The following SLCO3A1 variants were observed in gnomAD, a reference collection of about 807,000 sequenced individuals.
The protein encoded by SLCO3A1 is PGE1 transporter.
In SLCO3A1, 27 loss-of-function variants were observed where a neutral mutation model predicts 63.1. That is an observed-to-expected ratio of 0.43 (90% CI 0.32 to 0.59). SLCO3A1 has a LOEUF of 0.59. Ranked by LOEUF, SLCO3A1 falls within the 20% of genes least tolerant of loss-of-function variation. The pLI is 0.09. For missense variants in SLCO3A1, 773 were observed against 945.8 expected, an observed-to-expected ratio of 0.82 and a Z score of 2.40; for synonymous variants, 473 against 409.9, an observed-to-expected ratio of 1.15 and a Z score of -1.86.
At chr15:91,881,731 T>C (rs1412920869) in intron 1 of SLCO3A1, among the ~76,000 whole-genome samples, 2 of 152,164 alleles carry the variant, frequency 1.3e-5, no homozygotes, top group Admixed American at 6.5e-5. Context: ...GCAAGTCCCC[T>C]GTGGTAAATA....
rs561177241 is a variant in SLCO3A1, at chr15:92,065,664, C to T, written c.647-29217C>T. 2.5e-4 allele frequency among the ~76,000 whole-genome samples: 38 copies of T among 152,256 alleles called. No individual in the cohort carries two copies. The South Asian group carries it at 4.6e-3, about 18-fold the overall frequency. On this transcript the variant is annotated intron_variant, in intron 2 of 9. Transcript: ENST00000318445. Reference sequence around the variant, plus strand: ...GCAGTAATTAAGGGGGATCCATGTGCTCAAACCCCTTTATAGCTCTTTTCA... The same window carrying T: ...GCAGTAATTAAGGGGGATCCATGTGTTCAAACCCCTTTATAGCTCTTTTCA...
rs1484533751 is a variant in SLCO3A1, at chr15:91,876,598, G to A, written c.180+22510G>A. 3.3e-5 allele frequency among the ~76,000 whole-genome samples: 5 copies of A among 152,188 alleles called. No homozygotes were observed. The South Asian group carries it at 6.2e-4, about 19-fold the overall frequency. ...AAATCTAGTCAAGCTACCTAGAGCT[G>A]GAGGCTGACTTCTTTATCTGAGCAG... is the stretch of plus-strand genomic sequence containing the variant. On this transcript the variant is annotated intron_variant, in intron 1 of 9. Coordinates refer to ENST00000318445, the MANE Select transcript of SLCO3A1 (RefSeq NM_013272.4).
Position 92,164,744 on chromosome 15 carries a change from CT to C in SLCO3A1, c.*1610del. ...CTGTGTGTTTTGAAGGTGGGTGAAC[CT>C]CAGAGAATGAACCTGTTATGATTTG... On this transcript the variant is annotated 3_prime_UTR_variant, in exon 10 of 10. Transcript: ENST00000318445. 1 of 985,326 alleles carries C rather than the reference CT, an allele frequency of 1.0e-6. No individual in the cohort carries two copies. The highest frequency in any genetic ancestry group is 1.7e-5 in the African/African-American group (1 of 57,298). 61.0% of individuals were successfully genotyped at this position (985,326 alleles called of 1,614,324 possible).
chr15:91,949,408 T>G (rs1191952945), intron 2 of SLCO3A1, among the ~76,000 whole-genome samples: 1 of 152,042 alleles, frequency 6.6e-6, no homozygotes, highest in Admixed American at 6.6e-5. Context: ...GACAGGCAAA[T>G]CGCTTGAGGC....
At chr15:91,881,128 C>T (rs1897573049) in intron 1 of SLCO3A1, among the ~76,000 whole-genome samples, 1 of 152,166 alleles carries the variant, frequency 6.6e-6, no homozygotes, top group Admixed American at 6.5e-5. Context: ...TCTGCAGAGC[C>T]TGTGATCAAA....
intron 2 of SLCO3A1, among the ~76,000 whole-genome samples, chr15:92,020,644 G>T (rs2046497701): frequency 6.6e-6 from 1 of 152,202 alleles, no homozygotes. Context: ...ATGGCACCGT[G>T]CATGCACCAC....
chr15:91,990,838 G>T (rs2046117506), intron 2 of SLCO3A1, among the ~76,000 whole-genome samples: 1 of 152,140 alleles, frequency 6.6e-6, no homozygotes, highest in South Asian at 2.1e-4. Flanking sequence ...GAAGCGAGGA[G>T]AGGAATTTGC....
intron 2 of SLCO3A1, among the ~76,000 whole-genome samples, chr15:92,084,710 G>A (rs763900286): frequency 2.6e-5 from 4 of 152,282 alleles, no homozygotes; most frequent in East Asian, 1.9e-4. Flanking sequence ...GCAGCTCCTC[G>A]GGCAGCCTGT....
intron 1 of SLCO3A1, among the ~76,000 whole-genome samples, chr15:91,890,712 G>C (rs1211004467): frequency 6.6e-6 from 1 of 152,176 alleles, no homozygotes; most frequent in Non-Finnish European, 1.5e-5. Flanking sequence ...AAGGCAGGTT[G>C]ATTTAGCCTC....
chr15:92,163,547 A>T lies in SLCO3A1; in HGVS notation c.*412A>T. On this transcript the variant is annotated 3_prime_UTR_variant, in exon 10 of 10. Coordinates refer to ENST00000318445, the MANE Select transcript of SLCO3A1 (RefSeq NM_013272.4). Reference sequence around the variant, plus strand: ...TTTTTTAAAAGAAGTTTCCTAAAATAAAAAAAATTAAAAAAAAAAAACCCA... The same window carrying T: ...TTTTTTAAAAGAAGTTTCCTAAAATTAAAAAAATTAAAAAAAAAAAACCCA... 7 of 901,164 alleles carry T rather than the reference A, an allele frequency of 7.8e-6. No individual in the cohort carries two copies. The highest frequency in any genetic ancestry group is 7.6e-6 in the Non-Finnish European group (6 of 791,144). The allele number at this position is 901,164 out of a possible 1,614,324, so 55.8% of individuals were successfully genotyped here. A position where few individuals can be genotyped will look rare whatever the true frequency, so the allele number is the denominator to read the frequency against.
intron 2 of SLCO3A1, among the ~76,000 whole-genome samples, chr15:92,072,203 T>TG (rs2047224370): frequency 6.9e-6 from 1 of 145,108 alleles, no homozygotes; most frequent in Non-Finnish European, 1.5e-5. Flanking sequence ...TTTTTTTTGG[T>TG]TTTTTTTTTT....
chr15:92,135,185 G>A (rs2048041883), intron 7 of SLCO3A1, among the ~76,000 whole-genome samples: 1 of 152,132 alleles, frequency 6.6e-6, no homozygotes, highest in South Asian at 2.1e-4. Context: ...AGAGATGGAG[G>A]GGCCCTGTGT....
intron 2 of SLCO3A1, among the ~76,000 whole-genome samples, chr15:92,026,151 G>T (rs2046571691): frequency 1.3e-5 from 2 of 152,068 alleles, no homozygotes; most frequent in African/African-American, 4.8e-5. Context: ...GTAGGGATGG[G>T]TCTCTGTTTC....
At chr15:91,965,986 A>G (rs775849771) in intron 2 of SLCO3A1, among the ~76,000 whole-genome samples, 1 of 152,118 alleles carries the variant, frequency 6.6e-6, no homozygotes, top group Non-Finnish European at 1.5e-5. Flanking sequence ...TGTCATTTTC[A>G]TGCAATTTTG....
At chr15:91,880,083 A>C (rs1052954007) in intron 1 of SLCO3A1, among the ~76,000 whole-genome samples, 2 of 148,296 alleles carry the variant, frequency 1.3e-5, no homozygotes, top group East Asian at 2.1e-4. Flanking sequence ...ATGCTCCTCA[A>C]CCTGCTTGTA....
At chr15:92,055,277 C>T (rs1020853714) in intron 2 of SLCO3A1, among the ~76,000 whole-genome samples, 7 of 152,010 alleles carry the variant, frequency 4.6e-5, no homozygotes, top group African/African-American at 1.4e-4. Context: ...GTCTGTTGCC[C>T]ACTTTTTAAT....
intron 2 of SLCO3A1, among the ~76,000 whole-genome samples, chr15:91,992,852 T>G (rs1225007125): frequency 1.3e-5 from 2 of 152,170 alleles, no homozygotes; most frequent in Non-Finnish European, 2.9e-5. Context: ...ACTGTCAACA[T>G]TATTGGAAAG....
chr15:91,915,881 C>G, intron 1 of SLCO3A1, 112 bp from the exon 2 acceptor site: 1 of 865,638 alleles, frequency 1.2e-6, no homozygotes, highest in Non-Finnish European at 1.9e-6. Context: ...GCACCGGAGG[C>G]CAGGTGGGAG....
intron 5 of SLCO3A1, among the ~76,000 whole-genome samples, chr15:92,124,283 A>C (rs891506339): frequency 6.6e-6 from 1 of 152,210 alleles, no homozygotes; most frequent in Non-Finnish European, 1.5e-5. Context: ...AATTTCAGGG[A>C]AGTTCTGATC....
Sources: gnomAD v4.1 joint callset for allele counts (sites outside exome capture counted in the v4.1 genomes callset) on GRCh38, gnomAD v4.1.1 for gene constraint, MANE v1.5 for transcripts, NCBI Gene and HGNC (gene_info 2026-07-23, HGNC 2026-07-21) for gene names.